Variants in RFTN1 observed in about 807,000 individuals in gnomAD.
RFTN1 encodes raftlin, lipid raft linker 1.
A neutral mutation model predicts 46.5 loss-of-function variants in RFTN1; 26 were observed. The observed-to-expected ratio is 0.56, with a 90% CI of 0.41 to 0.78. RFTN1 has a LOEUF of 0.78. Among genes scored for constraint, RFTN1 ranks in the 30% least tolerant of loss-of-function variants. The probability of loss-of-function intolerance (pLI) is 0.00; values close to 1 mark genes in which losing one functional copy is unlikely to be tolerated. For synonymous variants in RFTN1, 261 were observed against 284.2 expected, an observed-to-expected ratio of 0.92 and a Z score of 0.82; for missense variants, 693 against 718.7, an observed-to-expected ratio of 0.96 and a Z score of 0.41.
intron 7 of RFTN1, among the ~76,000 whole-genome samples, chr3:16,332,519 G>A (rs1339534009): frequency 6.6e-6 from 1 of 151,246 alleles, no homozygotes; most frequent in Non-Finnish European, 1.5e-5. Context: ...CGGTTCCCAG[G>A]TTGCATGTGA....
chr3:16,427,503 T>A lies in RFTN1; in HGVS notation c.332+6348A>T, dbSNP rs1173605929. Among the ~76,000 whole-genome samples, 1 of 152,234 alleles carries A rather than the reference T, an allele frequency of 6.6e-6. No individual in the cohort carries two copies. The highest frequency in any genetic ancestry group is 1.5e-5 in the Non-Finnish European group (1 of 68,036). ...TTGACCCTGGGTGGACAAGGCTGAC[T>A]CATTCAGTCATCTGTGTTGCTCGTA... On this transcript the variant is annotated intron_variant, in intron 3 of 9. Transcript: ENST00000334133. This position sits in a 1 kb window ranked among gnomAD's most constrained non-coding sequence, Gnocchi z 5.4.
chr3:16,409,104 G>A (rs1459589276), intron 4 of RFTN1, among the ~76,000 whole-genome samples: 1 of 152,196 alleles, frequency 6.6e-6, no homozygotes, highest in African/African-American at 2.4e-5. Context: ...GAGTCCCGGC[G>A]CAGGCCTGCA....
chr3:16,385,103 G>A lies in RFTN1; in HGVS notation c.442-7001C>T, dbSNP rs566018264. Among the ~76,000 whole-genome samples, 2 of 152,178 alleles carry A rather than the reference G, an allele frequency of 1.3e-5. No homozygotes were observed. Among genetic ancestry groups the A allele is most frequent in the East Asian group, 1.9e-4 (1 of 5,192 alleles). On this transcript the variant is annotated intron_variant, in intron 4 of 9. Transcript: ENST00000334133. This position sits in a 1 kb window ranked among gnomAD's most constrained non-coding sequence, Gnocchi z 5.0. The stretch of plus-strand genomic sequence containing the variant: ...TCCGTGACAACATAGCACAGCACAC[G>A]CAGGGAGCCCACAGCAGAGGCATGC...
At chr3:16,444,453 G>T (rs988732658) in intron 2 of RFTN1, among the ~76,000 whole-genome samples, 9 of 152,176 alleles carry the variant, frequency 5.9e-5, no homozygotes, top group African/African-American at 2.2e-4. Context: ...CCAAAGATGT[G>T]CATGTTAGGT....
At position 16,404,321 on chromosome 3, in the gene RFTN1, A is replaced by ATATATAATATATAAT. The variant is rs2074783608; in HGVS notation, c.441+5053_441+5054insATTATATATTATATA. Among the ~76,000 whole-genome samples the ATATATAATATATAAT allele has an allele frequency of 9.3e-4, 21 of 22,568 alleles. 5 individuals carry two copies. The highest frequency in any genetic ancestry group is 2.6e-3 in the African/African-American group (14 of 5,490). 14.8% of individuals were successfully genotyped at this position (22,568 alleles called of 152,430 possible). ...ATAATATGTAATATATATTATATATAATATATAATATATAATATATATAAT... is the reference window on the plus strand; with the variant it reads ...ATAATATGTAATATATATTATATATATATATAATATATAATATATATAATATATAATATATATAAT... On this transcript the variant is annotated intron_variant, in intron 4 of 9. Transcript: ENST00000334133.
At position 16,498,702 on chromosome 3, in the gene RFTN1, T is replaced by C. The variant is rs1398799891; in HGVS notation, c.-8-4825A>G. Among the ~76,000 whole-genome samples the C allele has an allele frequency of 6.6e-6, 1 of 152,228 alleles. No homozygotes were observed. Among genetic ancestry groups the C allele is most frequent in the Non-Finnish European group, 1.5e-5 (1 of 68,046 alleles). ...TGAATTAGTTCCTCCTACTCTTTTGTGTAGAGGCAGCTAGCCTGCTCCCTG... is the reference window on the plus strand; with the variant it reads ...TGAATTAGTTCCTCCTACTCTTTTGCGTAGAGGCAGCTAGCCTGCTCCCTG... On this transcript the variant is annotated intron_variant, in intron 1 of 9. Coordinates refer to ENST00000334133, the MANE Select transcript of RFTN1 (RefSeq NM_015150.2). The surrounding 1 kb of genome is among the most constrained non-coding windows in gnomAD (Gnocchi z 5.2).
chr3:16,435,501 C>T (rs1237794567), intron 2 of RFTN1, among the ~76,000 whole-genome samples: 4 of 152,046 alleles, frequency 2.6e-5, no homozygotes, highest in Admixed American at 6.5e-5. Flanking sequence ...ACCTGGGAGG[C>T]GAAGGTTGCA....
rs971699564 is a variant in RFTN1 at position 16,336,371 on chromosome 3, G to A, written c.1147-9495C>T. 6.6e-6 allele frequency among the ~76,000 whole-genome samples: 1 copy of A among 152,206 alleles called. No homozygotes were observed. The highest frequency in any genetic ancestry group is 2.4e-5 in the African/African-American group (1 of 41,454). ...GTTCCCATCCAGTGGAGCCCATGGA[G>A]GTGAGGTGGAGGGAGGGAGAAGGGA... On this transcript the variant is annotated intron_variant, in intron 7 of 9. Transcript: ENST00000334133. The surrounding 1 kb of genome is among the most constrained non-coding windows in gnomAD (Gnocchi z 6.0).
chr3:16,469,272 T>C lies in RFTN1; in HGVS notation c.145+24453A>G, dbSNP rs575852031. On this transcript the variant is annotated intron_variant, in intron 2 of 9. Coordinates refer to ENST00000334133, the MANE Select transcript of RFTN1 (RefSeq NM_015150.2). ...GTTGTGGGGATTAAAAGAATTAATA[T>C]ATGTGAAGGACTTCGAAGCGTGACT... 9.8e-5 allele frequency among the ~76,000 whole-genome samples: 15 copies of C among 152,336 alleles called. No homozygotes were observed. In the South Asian group the frequency reaches 3.1e-3, roughly 32 times the overall value.
chr3:16,405,227 C>T (rs1346084593), intron 4 of RFTN1, among the ~76,000 whole-genome samples: 7 of 152,138 alleles, frequency 4.6e-5, no homozygotes, highest in Non-Finnish European at 8.8e-5. Flanking sequence ...GTTGAGCCCT[C>T]GTCCCAAAGG....
chr3:16,370,377 AATG>A lies in RFTN1; in HGVS notation c.827-101_827-99del. On this transcript the variant is annotated intron_variant, in intron 5 of 9. Transcript: ENST00000334133. The surrounding 1 kb of genome is among the most constrained non-coding windows in gnomAD (Gnocchi z 5.5). ...GTGGAATCTCTCAGGAGCCTGAATA[AATG>A]ATATGATGAATGCTGAAATCTCTGT... The A allele has an allele frequency of 9.2e-7, 1 of 1,087,746 alleles. No homozygotes were observed. The highest frequency in any genetic ancestry group is 1.4e-6 in the Non-Finnish European group (1 of 712,106). The allele number at this position is 1,087,746 out of a possible 1,614,324, so 67.4% of individuals were successfully genotyped here.
rs2075441162 is a variant in RFTN1, at chr3:16,433,776, C to G, written c.332+75G>C. The G allele has an allele frequency of 1.3e-6, 2 of 1,495,800 alleles. No homozygotes were observed. The highest frequency in any genetic ancestry group is 4.5e-5 in the East Asian group (2 of 44,272). The allele number at this position is 1,495,800 out of a possible 1,614,324, so 92.7% of individuals were successfully genotyped here. A position where few individuals can be genotyped will look rare whatever the true frequency, so the allele number is the denominator to read the frequency against. On this transcript the variant is annotated intron_variant, in intron 3 of 9. Transcript: ENST00000334133. This position sits in a 1 kb window ranked among gnomAD's most constrained non-coding sequence, Gnocchi z 4.4. ...GCAAATTTCAACCCCCAACCCCATCCTCTCACTTCCCCTCCTCTATTGAGC... is the reference window on the plus strand; with the variant it reads ...GCAAATTTCAACCCCCAACCCCATCGTCTCACTTCCCCTCCTCTATTGAGC...
rs143671346 is a variant in RFTN1, at chr3:16,364,234, G to A, written c.1030+5842C>T. On this transcript the variant is annotated intron_variant, in intron 6 of 9. Transcript: ENST00000334133. ...CATTCTGATTCAGTGTTAGCTGGAC[G>A]TGGAAGCACTCTGCCAGATGCAGTT... Among the ~76,000 whole-genome samples, 20 of 152,346 alleles carry A rather than the reference G, an allele frequency of 1.3e-4. No individual in the cohort carries two copies. The East Asian group carries it at 3.3e-3, about 25-fold the overall frequency.
chr3:16,359,566 A>C (rs2072695979), intron 6 of RFTN1, among the ~76,000 whole-genome samples: 1 of 152,140 alleles, frequency 6.6e-6, no homozygotes. Context: ...AAGCCACGTG[A>C]GGACACAGCA....
rs61519479 is a variant in RFTN1 at position 16,436,358 on chromosome 3, A to AT, written c.146-2322dup. Reference sequence around the variant, plus strand: ...AGTGGGTTTTGCCATGAAAAAAAAAATTTTTTTTTTTTTTTTAAGACAAAG... The same window carrying AT: ...AGTGGGTTTTGCCATGAAAAAAAAAATTTTTTTTTTTTTTTTTAAGACAAAG... On this transcript the variant is annotated intron_variant, in intron 2 of 9. Transcript: ENST00000334133. Among the ~76,000 whole-genome samples the AT allele has an allele frequency of 1.9e-3, 234 of 125,168 alleles. 1 individual carries two copies. Among genetic ancestry groups the AT allele is most frequent in the South Asian group, 3.5e-3 (14 of 4,018 alleles). The allele number at this position is 125,168 out of a possible 152,430, so 82.1% of individuals were successfully genotyped here. A position where few individuals can be genotyped will look rare whatever the true frequency, so the allele number is the denominator to read the frequency against.
At chr3:16,330,872 A>G (rs1393050225) in intron 7 of RFTN1, among the ~76,000 whole-genome samples, 3 of 152,264 alleles carry the variant, frequency 2.0e-5, no homozygotes, top group Non-Finnish European at 1.5e-5. Context: ...TCTTCTATGC[A>G]GAGAAATAAT....
At position 16,376,710 on chromosome 3, in the gene RFTN1, G is replaced by C. The variant is rs1333018538; in HGVS notation, c.826+1008C>G. The stretch of plus-strand genomic sequence containing the variant: ...AATAGTCTTACTACATCACAAAACT[G>C]ACGCAGCTCCAATATCTCCCTCTAA... On this transcript the variant is annotated intron_variant, in intron 5 of 9. Transcript: ENST00000334133. This position sits in a 1 kb window ranked among gnomAD's most constrained non-coding sequence, Gnocchi z 4.7. Among the ~76,000 whole-genome samples, 1 of 152,176 alleles carries C rather than the reference G, an allele frequency of 6.6e-6. No homozygotes were observed. Among genetic ancestry groups the C allele is most frequent in the Non-Finnish European group, 1.5e-5 (1 of 68,038 alleles).
rs533728518 is a variant in RFTN1, at chr3:16,489,153, C to T, written c.145+4572G>A. Reference sequence around the variant, plus strand: ...GTGATGGAGGCCGGGTGAGGTGGCTCACACCTGTAATCCCGGCACTTTGGG... The same window carrying T: ...GTGATGGAGGCCGGGTGAGGTGGCTTACACCTGTAATCCCGGCACTTTGGG... On this transcript the variant is annotated intron_variant, in intron 2 of 9. Coordinates refer to ENST00000334133, the MANE Select transcript of RFTN1 (RefSeq NM_015150.2). The surrounding 1 kb of genome is among the most constrained non-coding windows in gnomAD (Gnocchi z 4.0). Among the ~76,000 whole-genome samples, 1 of 152,252 alleles carries T rather than the reference C, an allele frequency of 6.6e-6. No individual in the cohort carries two copies. Among genetic ancestry groups the T allele is most frequent in the African/African-American group, 2.4e-5 (1 of 41,534 alleles).
rs1351626964 is a variant in RFTN1, at chr3:16,460,032, T to G, written c.146-25995A>C. ...CTTATTTCAATGCTTTGAGTGGGCA[T>G]AGCTTTATTCTAAATTTTTATGAAT... On this transcript the variant is annotated intron_variant, in intron 2 of 9. Transcript: ENST00000334133. The surrounding 1 kb of genome is among the most constrained non-coding windows in gnomAD (Gnocchi z 4.8). Among the ~76,000 whole-genome samples the G allele has an allele frequency of 1.3e-5, 2 of 152,204 alleles. No individual in the cohort carries two copies. The highest frequency in any genetic ancestry group is 2.4e-5 in the African/African-American group (1 of 41,454).
Sources: gnomAD v4.1 joint callset for allele counts (sites outside exome capture counted in the v4.1 genomes callset) on GRCh38, gnomAD v4.1.1 for gene constraint, Gnocchi (gnomAD v3.1) non-coding constraint, MANE v1.5 for transcripts, NCBI Gene and HGNC (gene_info 2026-07-23, HGNC 2026-07-21) for gene names.